DCLK1: variants seen among roughly 807,000 people sequenced by gnomAD.
The protein encoded by DCLK1 is serine/threonine-protein kinase DCLK1.
A neutral mutation model predicts 86.2 loss-of-function variants in DCLK1; 16 were observed. The ratio of observed to expected loss-of-function variants is 0.19; its 90% confidence interval spans 0.13 to 0.28. The LOEUF is 0.28. Ranked by LOEUF, DCLK1 falls within the 10% of genes least tolerant of loss-of-function variation. DCLK1 has a pLI of 1.00. For missense variants in DCLK1, 590 were observed against 940.2 expected (o/e 0.63, Z 4.87); for synonymous variants, 369 against 370.5 (o/e 1.00, Z 0.05).
chr13:35,909,376 A>T (rs561320510), intron 4 of DCLK1, among the ~76,000 whole-genome samples: 2 of 152,336 alleles, frequency 1.3e-5, no homozygotes, highest in East Asian at 3.9e-4. Flanking sequence ...AACATTAAAA[A>T]TATGGGTCCT....
intron 4 of DCLK1, among the ~76,000 whole-genome samples, chr13:35,944,600 A>C (rs886361738): frequency 4.6e-5 from 7 of 152,208 alleles, no homozygotes; most frequent in Admixed American, 2.0e-4. Flanking sequence ...CAAGGAAGTA[A>C]AATCTCAATT....
intron 1 of DCLK1, among the ~76,000 whole-genome samples, chr13:36,130,132 C>T (rs1886312823): frequency 6.6e-6 from 1 of 152,104 alleles, no homozygotes; most frequent in Non-Finnish European, 1.5e-5. Flanking sequence ...AGGGTGTGTG[C>T]ATATCTTTTA....
intron 3 of DCLK1, among the ~76,000 whole-genome samples, chr13:36,064,358 T>C (rs1471765827): frequency 6.6e-6 from 1 of 152,102 alleles, no homozygotes; most frequent in Non-Finnish European, 1.5e-5. Context: ...TTAACTTTAG[T>C]CCATAAGAAA....
chr13:35,835,801 A>C (rs188489018), intron 8 of DCLK1, among the ~76,000 whole-genome samples: 11 of 152,302 alleles, frequency 7.2e-5, no homozygotes, highest in Non-Finnish European at 1.5e-4. Context: ...CGTCTCTCTG[A>C]GTACATTTAA....
At chr13:35,780,251 C>G (rs762097551) in intron 16 of DCLK1, among the ~76,000 whole-genome samples, 129 of 152,106 alleles carry the variant, frequency 8.5e-4, no homozygotes, top group Non-Finnish European at 1.7e-3. Context: ...CAGGTATAGG[C>G]TTGAGGCTCC....
At chr13:36,060,065 T>C (rs1398700022) in intron 3 of DCLK1, among the ~76,000 whole-genome samples, 1 of 151,896 alleles carries the variant, frequency 6.6e-6, no homozygotes, top group Non-Finnish European at 1.5e-5. Flanking sequence ...GAGATGGGGT[T>C]TCACCATGTT....
At chr13:35,868,626 C>T (rs55689848) in intron 5 of DCLK1, among the ~76,000 whole-genome samples, 37,905 of 151,910 alleles carry the variant, frequency 0.25, 4,788 homozygotes, top group Admixed American at 0.33. Flanking sequence ...CATTAATATA[C>T]TAATTGATAC....
chr13:36,114,738 A>G (rs1013759090), intron 2 of DCLK1, among the ~76,000 whole-genome samples: 6 of 152,216 alleles, frequency 3.9e-5, no homozygotes, highest in Non-Finnish European at 8.8e-5. Context: ...GTTAAATTAA[A>G]GTTGGTTGTA....
chr13:36,069,679 C>A (rs535296734), intron 3 of DCLK1, among the ~76,000 whole-genome samples: 1 of 152,316 alleles, frequency 6.6e-6, no homozygotes, highest in South Asian at 2.1e-4. Context: ...CTTGCCTTCA[C>A]TCAGGTTGTG....
chr13:35,995,613 T>C (rs1880433865), intron 3 of DCLK1, among the ~76,000 whole-genome samples: 1 of 152,204 alleles, frequency 6.6e-6, no homozygotes, highest in Non-Finnish European at 1.5e-5. Flanking sequence ...AAAATTACCA[T>C]TCTGAATGGA....
At chr13:35,921,011 C>T (rs71438076) in intron 4 of DCLK1, among the ~76,000 whole-genome samples, 27,227 of 152,060 alleles carry the variant, frequency 0.18, 3,198 homozygotes, top group African/African-American at 0.33. Context: ...AGGCCACCAA[C>T]ACCTCCACAA....
chr13:35,928,971 C>T (rs1210836978), intron 4 of DCLK1, among the ~76,000 whole-genome samples: 1 of 152,128 alleles, frequency 6.6e-6, no homozygotes, highest in Admixed American at 6.5e-5. Context: ...ACTCTGTCAC[C>T]CAGACTGGAG....
intron 6 of DCLK1, chr13:35,848,465 T>C (rs1351172861): frequency 2.0e-6 from 2 of 985,186 alleles, no homozygotes; most frequent in Non-Finnish European, 2.4e-6. Flanking sequence ...AGTCCTTTAA[T>C]AGAAGTCATA....
chr13:35,976,525 GTTTTTTTTTTTT>G (rs11294824), intron 3 of DCLK1, among the ~76,000 whole-genome samples: 1 of 56,350 alleles, frequency 1.8e-5, no homozygotes, highest in Non-Finnish European at 3.3e-5. Context: ...CTTCTCCGAG[GTTTTTTTTTTTT>G]TTTTTTTTTT....
intron 3 of DCLK1, among the ~76,000 whole-genome samples, chr13:36,109,333 T>A (rs1164117745): frequency 1.3e-5 from 2 of 152,184 alleles, no homozygotes; most frequent in African/African-American, 4.8e-5. Context: ...TTTGGACAAA[T>A]TACTCCCTTG....
chr13:36,054,707 A>T (rs1160158772), intron 3 of DCLK1, among the ~76,000 whole-genome samples: 5 of 152,202 alleles, frequency 3.3e-5, no homozygotes, highest in Non-Finnish European at 7.3e-5. Flanking sequence ...CCTGAAAAAT[A>T]AAATGAAGCA....
At chr13:35,985,183 C>T (rs1023878417) in intron 3 of DCLK1, among the ~76,000 whole-genome samples, 1 of 152,146 alleles carries the variant, frequency 6.6e-6, no homozygotes, top group African/African-American at 2.4e-5. Context: ...AGCTCACTTC[C>T]CTTCCACATC....
At chr13:35,801,882 AC>A (rs2086926885) in intron 15 of DCLK1, among the ~76,000 whole-genome samples, 1 of 150,686 alleles carries the variant, frequency 6.6e-6, no homozygotes, top group Non-Finnish European at 1.5e-5. Context: ...AGCATTCCAG[AC>A]CCCTCATGTA....
intron 3 of DCLK1, among the ~76,000 whole-genome samples, chr13:35,989,538 C>A (rs914320766): frequency 3.3e-5 from 5 of 152,132 alleles, no homozygotes; most frequent in African/African-American, 1.2e-4. Context: ...TCCCAAAGTG[C>A]TGGGATTACA....
Sources: gnomAD v4.1 joint callset for allele counts (sites outside exome capture counted in the v4.1 genomes callset) on GRCh38, gnomAD v4.1.1 for gene constraint, MANE v1.5 for transcripts, NCBI Gene and HGNC (gene_info 2026-07-23, HGNC 2026-07-21) for gene names.